The following GSK3A variants were observed in gnomAD, a reference collection of about 807,000 sequenced individuals.
The protein encoded by GSK3A is glycogen synthase kinase-3 alpha.
A neutral mutation model predicts 56.6 loss-of-function variants in GSK3A; 14 were observed. The ratio of observed to expected loss-of-function variants is 0.25; its 90% CI spans 0.16 to 0.39. GSK3A has a LOEUF of 0.39. Among genes scored for constraint, GSK3A ranks in the 10% least tolerant of loss-of-function variants. The probability of loss-of-function intolerance (pLI) is 1.00; values close to 1 mark genes in which losing one functional copy is unlikely to be tolerated. For missense variants in GSK3A, 450 were observed against 656.0 expected, an observed-to-expected ratio of 0.69 and a Z score of 3.43; for synonymous variants, 301 against 285.0, an observed-to-expected ratio of 1.06 and a Z score of -0.56.
intron 4 of GSK3A, among the ~76,000 whole-genome samples, chr19:42,236,057 G>C (rs1011595591): frequency 6.6e-6 from 1 of 151,372 alleles, no homozygotes; most frequent in Non-Finnish European, 1.5e-5. Context: ...ATCATCCCTG[G>C]GCTGCAATCA....
rs961472181 is a variant in GSK3A at position 42,242,480 on chromosome 19, G to C, written c.-15C>G. On this transcript the variant is annotated 5_prime_UTR_variant, in exon 1 of 11. Coordinates refer to ENST00000222330, the MANE Select transcript of GSK3A (RefSeq NM_019884.3). ...CCGCCGCTCATGGCGCCGAGCACAGGCCCAGGCTGCGGGGCTCGGGCTGCC... is the reference window on the plus strand; with the variant it reads ...CCGCCGCTCATGGCGCCGAGCACAGCCCCAGGCTGCGGGGCTCGGGCTGCC... 1 of 1,161,738 alleles carries C rather than the reference G, an allele frequency of 8.6e-7. No individual in the cohort carries two copies. The highest frequency in any genetic ancestry group is 1.1e-6 in the Non-Finnish European group (1 of 946,348). 72.0% of individuals were successfully genotyped at this position (1,161,738 alleles called of 1,614,324 possible).
chr19:42,238,538 C>T (rs181834197), intron 2 of GSK3A, among the ~76,000 whole-genome samples: 3 of 135,908 alleles, frequency 2.2e-5, no homozygotes, highest in Admixed American at 8.4e-5. Flanking sequence ...ACCCGGCAGG[C>T]GGAGGTTGCA....
chr19:42,232,263 CAG>C (rs1441421539), intron 9 of GSK3A, 114 bp from the exon 10 acceptor site: 1 of 759,316 alleles, frequency 1.3e-6, no homozygotes, highest in African/African-American at 1.8e-5. Context: ...CCTTCAGCCA[CAG>C]ACCTCTCTCA....
rs1236269302 is a variant in GSK3A at position 42,236,845 on chromosome 19, C to T, written c.555+13G>A. Reference sequence around the variant, plus strand: ...GGCTGGAGCAACCCACCACCACCACCTCGAGATCTCACCTTCTCGCCACTG... The same window carrying T: ...GGCTGGAGCAACCCACCACCACCACTTCGAGATCTCACCTTCTCGCCACTG... On this transcript the variant is annotated intron_variant, in intron 3 of 10. Coordinates refer to ENST00000222330, the MANE Select transcript of GSK3A (RefSeq NM_019884.3). 6.3e-7 allele frequency: 1 copy of T among 1,597,594 alleles called. No homozygotes were observed. The highest frequency in any genetic ancestry group is 8.6e-7 in the Non-Finnish European group (1 of 1,165,094).
Position 42,234,619 on chromosome 19 carries a change from G to A in GSK3A, c.726C>T (p.His242=). Residue 242 remains histidine, a synonymous_variant, in exon 5 of 11, where the codon CAC becomes CAT. Transcript: ENST00000222330. This position sits in a 1 kb window ranked among gnomAD's most constrained non-coding sequence, Gnocchi z 5.7. ...LAYIHSQGVC[H]RDIKPQNLLV... Reference sequence around the variant, plus strand: ...GCAGGTTCTGGGGCTTGATGTCGCGGTGACACACGCCCTGGGAGTGGATGT... The same window carrying A: ...GCAGGTTCTGGGGCTTGATGTCGCGATGACACACGCCCTGGGAGTGGATGT... 6.2e-7 allele frequency: 1 copy of A among 1,613,706 alleles called. No homozygotes were observed. The highest frequency in any genetic ancestry group is 8.5e-7 in the Non-Finnish European group (1 of 1,179,880).
rs767318232 is a variant in GSK3A, at chr19:42,242,249, C to T, written c.217G>A (p.Gly73Ser). The stretch of plus-strand genomic sequence containing the variant: ...CCGGGGCCTCCGCTGCCTCCTCCGC[C>T]GCTGCCGCCGGGTCCACCCCCGGAG... ...SSSGGGPGGS[G>S]GGGSGGPGAG... Residue 73 changes from glycine to serine, a missense_variant, in exon 1 of 11, where the codon GGC (glycine) becomes AGC (serine). This residue lies in a region of GSK3A where 193 missense variants were observed against 200.5 expected (regional missense o/e 0.96). Coordinates refer to ENST00000222330, the MANE Select transcript of GSK3A (RefSeq NM_019884.3). 4.3e-5 allele frequency: 62 copies of T among 1,435,188 alleles called. No homozygotes were observed. In the Admixed American group the frequency reaches 8.1e-4, roughly 19 times the overall value. The allele number at this position is 1,435,188 out of a possible 1,614,324, so 88.9% of individuals were successfully genotyped here.
rs1019077240 is a variant in GSK3A at position 42,240,117 on chromosome 19, G to T, written c.309C>A (p.Val103=). 1.9e-6 allele frequency: 3 copies of T among 1,614,050 alleles called. No homozygotes were observed. Among genetic ancestry groups the T allele is most frequent in the Non-Finnish European group, 2.5e-6 (3 of 1,180,016 alleles). ...CTGGGCCTTGGCCTAGAGTGGCTACGACTGTGGTCACCTTCCCGCTGTCAC... is the reference window on the plus strand; with the variant it reads ...CTGGGCCTTGGCCTAGAGTGGCTACTACTGTGGTCACCTTCCCGCTGTCAC... ...LGRDSGKVTT[V]VATLGQGPER... is the part of the protein sequence containing the mutation. Residue 103 remains valine, a synonymous_variant, in exon 2 of 11, where the codon GTC becomes GTA. Coordinates refer to ENST00000222330, the MANE Select transcript of GSK3A (RefSeq NM_019884.3).
In GSK3A at chr19:42,242,453, C is replaced by A; in HGVS notation, c.13G>T (p.Gly5Trp). 1 of 1,245,618 alleles carries A rather than the reference C, an allele frequency of 8.0e-7. No individual in the cohort carries two copies. Among genetic ancestry groups the A allele is most frequent in the Non-Finnish European group, 1.0e-6 (1 of 994,266 alleles). The allele number at this position is 1,245,618 out of a possible 1,614,324, so 77.2% of individuals were successfully genotyped here. Residue 5 changes from glycine to tryptophan, a missense_variant, in exon 1 of 11, where the codon GGG (glycine) becomes TGG (tryptophan). Around this residue, in one of 3 missense-constraint regions of GSK3A, gnomAD observed 193 missense variants for 200.5 expected, o/e 0.96. Transcript: ENST00000222330. ...CCCCCAGGGCCGCCTCCCGAAGGCC[C>A]GCCGCCGCTCATGGCGCCGAGCACA... is the stretch of plus-strand genomic sequence containing the variant. MSGG[G>W]PSGGGPGGSG...
intron 10 of GSK3A, 25 bp downstream of exon 10, chr19:42,232,031 AC>A (rs770033174): frequency 4.7e-5 from 63 of 1,350,886 alleles, no homozygotes; most frequent in Non-Finnish European, 6.5e-5. Flanking sequence ...AGATACTTTA[AC>A]CCCCAGCAGA....
In GSK3A at chr19:42,230,705, C is replaced by T. The variant is rs2036217638; in HGVS notation, c.*89G>A. ...TCTGCCCTCTAGTCTAGGGGCCCAGCCAGGGCAGGAGCTTGATGGGCTATG... is the reference window on the plus strand; with the variant it reads ...TCTGCCCTCTAGTCTAGGGGCCCAGTCAGGGCAGGAGCTTGATGGGCTATG... On this transcript the variant is annotated 3_prime_UTR_variant, in exon 11 of 11. Transcript: ENST00000222330. 1.0e-6 allele frequency: 1 copy of T among 979,804 alleles called. No individual in the cohort carries two copies. Among genetic ancestry groups the T allele is most frequent in the Non-Finnish European group, 1.6e-6 (1 of 626,044 alleles). 60.7% of individuals were successfully genotyped at this position (979,804 alleles called of 1,614,324 possible).
chr19:42,233,287 T>G lies in GSK3A; in HGVS notation c.1001A>C (p.Lys334Thr). The G allele has an allele frequency of 1.3e-6, 1 of 762,836 alleles. No homozygotes were observed. Among genetic ancestry groups the G allele is most frequent in the Non-Finnish European group, 2.0e-6 (1 of 512,012 alleles). 47.3% of individuals were successfully genotyped at this position (762,836 alleles called of 1,614,324 possible). ...GCCCAGCCCAGCCCCGCCCCTCACC[T>G]TGATGATCTCCACCAGCTGGTCCAC... ...SGVDQLVEII[K>T]VLGTPTREQI... The change falls in exon 7 of 11, where the codon AAG becomes ACG. Residue 334 changes from lysine (K) to threonine (T), a missense_variant and splice_region_variant. By Grantham distance (78) the Lys-to-Thr change is moderately conservative. Transcript: ENST00000222330.
Position 42,242,235 on chromosome 19 carries a change from G to T in GSK3A, c.231C>A (p.Ser77Arg). The stretch of plus-strand genomic sequence containing the variant: ...AGCTAGTGCCTGCGCCGGGGCCTCC[G>T]CTGCCTCCTCCGCCGCTGCCGCCGG... ...GGPGGSGGGG[S>R]GGPGAGTSFP... is the part of the protein sequence containing the mutation. The change falls in exon 1 of 11, where the codon AGC becomes AGA. Residue 77 changes from serine (S) to arginine (R), a missense_variant. By Grantham distance (110) the Ser-to-Arg change is moderately radical. Coordinates refer to ENST00000222330, the MANE Select transcript of GSK3A (RefSeq NM_019884.3). 6.9e-7 allele frequency: 1 copy of T among 1,441,070 alleles called. No individual in the cohort carries two copies. Among genetic ancestry groups the T allele is most frequent in the Admixed American group, 2.7e-5 (1 of 37,180 alleles). 89.3% of individuals were successfully genotyped at this position (1,441,070 alleles called of 1,614,324 possible). A position where few individuals can be genotyped will look rare whatever the true frequency, so the allele number is the denominator to read the frequency against.
chr19:42,234,682 C>A lies in GSK3A; in HGVS notation c.667-4G>T. The A allele has an allele frequency of 6.3e-7, 1 of 1,582,590 alleles. No homozygotes were observed. Among genetic ancestry groups the A allele is most frequent in the Non-Finnish European group, 8.6e-7 (1 of 1,163,186 alleles). ...GGAAGAGCTGGTACATGTACACCTGCGGCGGGCACAGGATAGCAGAACTTT... is the reference window on the plus strand; with the variant it reads ...GGAAGAGCTGGTACATGTACACCTGAGGCGGGCACAGGATAGCAGAACTTT... On this transcript the variant is annotated splice_polypyrimidine_tract_variant and splice_region_variant and intron_variant, in intron 4 of 10. Transcript: ENST00000222330. The surrounding 1 kb of genome is among the most constrained non-coding windows in gnomAD (Gnocchi z 5.7).
rs1472633651 is a variant in GSK3A, at chr19:42,242,490, C to T, written c.-25G>A. 8.9e-7 allele frequency: 1 copy of T among 1,129,756 alleles called. No homozygotes were observed. The highest frequency in any genetic ancestry group is 4.9e-5 in the East Asian group (1 of 20,476). The allele number at this position is 1,129,756 out of a possible 1,614,324, so 70.0% of individuals were successfully genotyped here. On this transcript the variant is annotated 5_prime_UTR_variant, in exon 1 of 11. Transcript: ENST00000222330. ...TGGCGCCGAGCACAGGCCCAGGCTG[C>T]GGGGCTCGGGCTGCCCGGGCTGCCC...
Position 42,234,273 on chromosome 19 carries a change from C to T in GSK3A, c.904+80G>A. ...AGAACAGAAGTTAAGCTTTCATCAC[C>T]AAGCTTGGCATACAGCACACAGAAA... On this transcript the variant is annotated intron_variant, in intron 6 of 10. Coordinates refer to ENST00000222330, the MANE Select transcript of GSK3A (RefSeq NM_019884.3). This position sits in a 1 kb window ranked among gnomAD's most constrained non-coding sequence, Gnocchi z 5.7. 1 of 973,576 alleles carries T rather than the reference C, an allele frequency of 1.0e-6. No homozygotes were observed. Among genetic ancestry groups the T allele is most frequent in the Admixed American group, 1.7e-5 (1 of 58,242 alleles). The allele number at this position is 973,576 out of a possible 1,614,324, so 60.3% of individuals were successfully genotyped here.
chr19:42,233,107 C>A lies in GSK3A; in HGVS notation c.1098+3G>T, dbSNP rs749926692. ...CTGCCCTGAGCCCCTAGCCCTGCCC[C>A]ACCTTTGTCCAGGGGTGAGCTTTAA... On this transcript the variant is annotated splice_donor_region_variant and intron_variant, in intron 8 of 10. Transcript: ENST00000222330. 6.4e-7 allele frequency: 1 copy of A among 1,572,472 alleles called. No homozygotes were observed. The highest frequency in any genetic ancestry group is 8.7e-7 in the Non-Finnish European group (1 of 1,155,346).
rs527727447 is a variant in GSK3A, at chr19:42,242,582, G to C, written c.-117C>G. Reference sequence around the variant, plus strand: ...CTTCCAGGCCGCGCCGCTCTGGCTTGGGCTCCGGCTCCGGCCCAGCGCCCG... The same window carrying C: ...CTTCCAGGCCGCGCCGCTCTGGCTTCGGCTCCGGCTCCGGCCCAGCGCCCG... On this transcript the variant is annotated 5_prime_UTR_variant, in exon 1 of 11. Coordinates refer to ENST00000222330, the MANE Select transcript of GSK3A (RefSeq NM_019884.3). The C allele has an allele frequency of 6.7e-6, 6 of 890,988 alleles. No individual in the cohort carries two copies. The highest frequency in any genetic ancestry group is 8.7e-6 in the Non-Finnish European group (6 of 688,768). 55.2% of individuals were successfully genotyped at this position (890,988 alleles called of 1,614,324 possible).
intron 1 of GSK3A, chr19:42,240,353 A>C: frequency 1.7e-6 from 1 of 599,430 alleles, no homozygotes; most frequent in South Asian, 2.0e-5. Context: ...GCTCCCCTCC[A>C]CATAGGAGGA....
intron 4 of GSK3A, 95 bp downstream of exon 4, chr19:42,236,511 T>G (rs902176008): frequency 4.9e-6 from 4 of 812,678 alleles, no homozygotes; most frequent in Non-Finnish European, 8.8e-6. Context: ...AAAACCAACA[T>G]AAACTTGGCG....
Sources: allele counts gnomAD v4.1 joint callset (sites outside exome capture counted in the v4.1 genomes callset), GRCh38; gene constraint gnomAD v4.1.1; regional missense constraint gnomAD v4.1.1; non-coding constraint Gnocchi (gnomAD v3.1); transcripts MANE v1.5; gene names NCBI Gene and HGNC (gene_info 2026-07-23, HGNC 2026-07-21).